Variants in CACHD1 observed in about 807,000 individuals in gnomAD.
The protein encoded by CACHD1 is VWFA and cache domain-containing protein 1.
A neutral mutation model predicts 138.7 loss-of-function variants in CACHD1; 71 were observed. The observed-to-expected ratio is 0.51, with a 90% CI of 0.42 to 0.62. The LOEUF is 0.62. CACHD1 is among the 20% of genes least tolerant of loss of function. CACHD1 has a pLI of 0.00. For missense variants in CACHD1, 1,389 were observed against 1,625.3 expected (o/e 0.85, Z 2.50); for synonymous variants, 578 against 591.5 (o/e 0.98, Z 0.33).
intron 1 of CACHD1, among the ~76,000 whole-genome samples, chr1:64,531,279 A>G (rs1421917320): frequency 6.6e-6 from 1 of 152,212 alleles, no homozygotes; most frequent in African/African-American, 2.4e-5. Context: ...CCTCCTCTCC[A>G]GTGCTGACAA....
At chr1:64,679,831 A>G in intron 24 of CACHD1, 75 bp downstream of exon 24, 1 of 1,522,846 alleles carries the variant, frequency 6.6e-7, no homozygotes, top group Non-Finnish European at 8.9e-7. Flanking sequence ...GTAAGCCTCT[A>G]AGGAACTGTC....
rs1416848332 is a variant in CACHD1, at chr1:64,470,192, G to C, written c.-553G>C. Among the ~76,000 whole-genome samples the C allele has an allele frequency of 1.3e-5, 2 of 152,010 alleles. No homozygotes were observed. The highest frequency in any genetic ancestry group is 2.9e-5 in the Non-Finnish European group (2 of 67,968). On this transcript the variant is annotated 5_prime_UTR_variant, in exon 1 of 27. Coordinates refer to ENST00000651257, the MANE Select transcript of CACHD1 (RefSeq NM_020925.4). This position sits in a 1 kb window ranked among gnomAD's most constrained non-coding sequence, Gnocchi z 5.2. ...CACCAGACGCCTCCCTTTCCCCACC[G>C]CTTGCTTTCTTTCTTTCAGTTGTGT...
chr1:64,585,865 C>T (rs1346318143), intron 3 of CACHD1, among the ~76,000 whole-genome samples: 1 of 152,148 alleles, frequency 6.6e-6, no homozygotes, highest in Non-Finnish European at 1.5e-5. Flanking sequence ...TTTGGTTGAA[C>T]ACAAGCACTT....
At chr1:64,497,927 A>G (rs1570306277) in intron 1 of CACHD1, among the ~76,000 whole-genome samples, 1 of 152,132 alleles carries the variant, frequency 6.6e-6, no homozygotes, top group Non-Finnish European at 1.5e-5. Flanking sequence ...GGAGTTCAAG[A>G]CCAGCCTGGC....
At chr1:64,679,795 A>G (rs758104732) in intron 24 of CACHD1, 39 bp downstream of exon 24, 34 of 1,606,982 alleles carry the variant, frequency 2.1e-5, no homozygotes, top group Middle Eastern at 2.1e-4. Context: ...GGCAGCAGCC[A>G]GGCTAGAAGG....
intron 1 of CACHD1, among the ~76,000 whole-genome samples, chr1:64,534,581 C>T (rs548452636): frequency 1.3e-5 from 2 of 152,330 alleles, no homozygotes; most frequent in East Asian, 1.9e-4. Context: ...ATGTCCCTTC[C>T]TCACACTTGC....
chr1:64,607,957 G>A (rs931355035), intron 4 of CACHD1, among the ~76,000 whole-genome samples: 14 of 152,152 alleles, frequency 9.2e-5, no homozygotes. Context: ...AAATGCTGAT[G>A]TATTTCAGTG....
chr1:64,610,895 C>T (rs1647508230), intron 4 of CACHD1, among the ~76,000 whole-genome samples: 1 of 152,224 alleles, frequency 6.6e-6, no homozygotes, highest in African/African-American at 2.4e-5. Flanking sequence ...ACCCCTACAG[C>T]AAACTTCTGC....
intron 1 of CACHD1, among the ~76,000 whole-genome samples, chr1:64,532,314 C>G (rs758973617): frequency 1.3e-5 from 2 of 152,136 alleles, no homozygotes; most frequent in Non-Finnish European, 2.9e-5. Context: ...GTTCTAGGCA[C>G]TGAGGACACT....
chr1:64,570,765 C>T (rs1045890288), intron 2 of CACHD1, among the ~76,000 whole-genome samples: 91 of 151,256 alleles, frequency 6.0e-4, no homozygotes, highest in African/African-American at 2.1e-3. Flanking sequence ...GAAACCCATA[C>T]GGGAAACATT....
intron 3 of CACHD1, among the ~76,000 whole-genome samples, chr1:64,597,191 A>G (rs1043843646): frequency 3.3e-5 from 5 of 152,170 alleles, no homozygotes; most frequent in South Asian, 2.1e-4. Flanking sequence ...ATGAAATCCA[A>G]TTGGAACTCA....
intron 10 of CACHD1, 115 bp downstream of exon 10, chr1:64,652,425 CT>C: frequency 2.2e-6 from 2 of 898,774 alleles, no homozygotes; most frequent in Non-Finnish European, 3.2e-6. Context: ...AGCATTGTGA[CT>C]AAGATTGCTC....
intron 19 of CACHD1, among the ~76,000 whole-genome samples, chr1:64,675,014 G>C (rs1368303031): frequency 6.6e-6 from 1 of 152,146 alleles, no homozygotes; most frequent in African/African-American, 2.4e-5. Flanking sequence ...GGTTAACTAG[G>C]TTTGCATGTG....
chr1:64,483,681 C>CAA lies in CACHD1; in HGVS notation c.198+12760_198+12761dup, dbSNP rs10537125. On this transcript the variant is annotated intron_variant, in intron 1 of 26. Transcript: ENST00000651257. ...CAACATGGTGAGACCCTGTCTCTACCAAAAAAAAAAAAAAAAAAAAAAGTG... is the reference window on the plus strand; with the variant it reads ...CAACATGGTGAGACCCTGTCTCTACCAAAAAAAAAAAAAAAAAAAAAAAAGTG... 2.0e-3 allele frequency among the ~76,000 whole-genome samples: 119 copies of CAA among 58,094 alleles called. 2 individuals are homozygous for CAA. The highest frequency in any genetic ancestry group is 3.6e-3 in the African/African-American group (75 of 20,706). The allele number at this position is 58,094 out of a possible 152,430, so 38.1% of individuals were successfully genotyped here.
intron 1 of CACHD1, among the ~76,000 whole-genome samples, chr1:64,497,212 C>A (rs752886404): frequency 6.6e-6 from 1 of 152,154 alleles, no homozygotes; most frequent in Non-Finnish European, 1.5e-5. Context: ...GCCAAGGATG[C>A]TACAGGGCTT....
intron 2 of CACHD1, among the ~76,000 whole-genome samples, chr1:64,569,765 A>AG (rs1441189551): frequency 6.6e-6 from 1 of 151,632 alleles, no homozygotes; most frequent in Non-Finnish European, 1.5e-5. Flanking sequence ...ACCCTTGAAA[A>AG]AAACATGGAT....
chr1:64,568,801 A>T (rs1352386440), intron 2 of CACHD1, among the ~76,000 whole-genome samples: 2 of 152,150 alleles, frequency 1.3e-5, no homozygotes, highest in Admixed American at 1.3e-4. Flanking sequence ...GTGTATGCAC[A>T]TGTTTTATGT....
At chr1:64,581,779 C>T (rs1347358942) in intron 2 of CACHD1, among the ~76,000 whole-genome samples, 2 of 152,198 alleles carry the variant, frequency 1.3e-5, no homozygotes, top group African/African-American at 4.8e-5. Context: ...AATGTCTCTC[C>T]TCTTTATTCT....
Position 64,589,190 on chromosome 1 carries a change from G to A in CACHD1, c.410+6886G>A, listed in dbSNP as rs565585301. 6.5e-4 allele frequency among the ~76,000 whole-genome samples: 99 copies of A among 152,204 alleles called. 2 individuals carry two copies. The South Asian group carries it at 0.016, about 24-fold the overall frequency. On this transcript the variant is annotated intron_variant, in intron 3 of 26. Coordinates refer to ENST00000651257, the MANE Select transcript of CACHD1 (RefSeq NM_020925.4). ...TATTTTACAGGGAGCTCTTTGAGTT[G>A]GGGCATCCACTGAGATTGATATAGT...
Sources: gnomAD v4.1 joint callset for allele counts (sites outside exome capture counted in the v4.1 genomes callset) on GRCh38, gnomAD v4.1.1 for gene constraint, Gnocchi (gnomAD v3.1) non-coding constraint, MANE v1.5 for transcripts, NCBI Gene and HGNC (gene_info 2026-07-23, HGNC 2026-07-21) for gene names.